Variants in RCAN1 observed in about 807,000 individuals in gnomAD.
The protein encoded by RCAN1 is regulator of calcineurin 1.
RCAN1 carries 11 observed loss-of-function variants against 22.9 expected under a neutral mutation model. That is an observed-to-expected ratio of 0.48 (90% CI 0.30 to 0.79). The LOEUF is 0.79. Among genes scored for constraint, RCAN1 ranks in the 30% least tolerant of loss-of-function variants. The pLI, the probability that RCAN1 is intolerant of heterozygous loss-of-function variation, is 0.06. For synonymous variants in RCAN1, 136 were observed against 142.3 expected (o/e 0.96, Z 0.32); for missense variants, 291 against 337.8 (o/e 0.86, Z 1.09).
intron 1 of RCAN1, among the ~76,000 whole-genome samples, chr21:34,547,067 G>A (rs550056165): frequency 1.2e-4 from 18 of 152,228 alleles, no homozygotes; most frequent in African/African-American, 3.4e-4. Context: ...TGTGGCTGGC[G>A]TTTTCTTTGG....
chr21:34,523,785 T>A, intron 1 of RCAN1, 75 bp from the exon 2 acceptor site: 2 of 680,554 alleles, frequency 2.9e-6, no homozygotes, highest in Non-Finnish European at 4.0e-6. Flanking sequence ...ATGTCATTAC[T>A]TTTTTTTTTT....
Position 34,614,443 on chromosome 21 carries a change from G to A in RCAN1, c.252+317C>T, listed in dbSNP as rs1358999862. 4.9e-6 allele frequency: 5 copies of A among 1,010,476 alleles called. No homozygotes were observed. Among genetic ancestry groups the A allele is most frequent in the African/African-American group, 1.7e-5 (1 of 58,106 alleles). 62.6% of individuals were successfully genotyped at this position (1,010,476 alleles called of 1,614,324 possible). On this transcript the variant is annotated intron_variant, in intron 1 of 3. Coordinates refer to ENST00000313806, the MANE Select transcript of RCAN1 (RefSeq NM_004414.7). This position sits in a 1 kb window ranked among gnomAD's most constrained non-coding sequence, Gnocchi z 6.0. ...ATGCGGGGCGATGGCGAGAGCGCAG[G>A]GGGCGGCGGCGCTGCCCCACCTTGG...
chr21:34,567,780 T>A (rs1048394378), intron 1 of RCAN1, among the ~76,000 whole-genome samples: 1 of 152,200 alleles, frequency 6.6e-6, no homozygotes, highest in South Asian at 2.1e-4. Flanking sequence ...ATTTCCCACT[T>A]GTCGCTGCTG....
intron 1 of RCAN1, among the ~76,000 whole-genome samples, chr21:34,534,221 T>C (rs947090057): frequency 1.3e-5 from 2 of 151,422 alleles, no homozygotes; most frequent in Non-Finnish European, 2.9e-5. Context: ...CCAACCAGTG[T>C]CCATACCTCC....
intron 1 of RCAN1, among the ~76,000 whole-genome samples, chr21:34,601,622 T>C (rs1416229312): frequency 1.3e-5 from 2 of 152,014 alleles, no homozygotes; most frequent in Non-Finnish European, 2.9e-5. Context: ...ATCGAGATCA[T>C]CTTGGCTAAC....
At chr21:34,594,849 C>T (rs574844461) in intron 1 of RCAN1, among the ~76,000 whole-genome samples, 1 of 152,320 alleles carries the variant, frequency 6.6e-6, no homozygotes, top group South Asian at 2.1e-4. Flanking sequence ...AAGCGCATAC[C>T]TCACAGGGAT....
chr21:34,589,145 G>A (rs1197720455), intron 1 of RCAN1, among the ~76,000 whole-genome samples: 1 of 152,128 alleles, frequency 6.6e-6, no homozygotes, highest in Non-Finnish European at 1.5e-5. Flanking sequence ...TGTAAAGATG[G>A]TAAATTTTAA....
chr21:34,526,270 C>T (rs1270696884), intron 1 of RCAN1, among the ~76,000 whole-genome samples: 1 of 152,204 alleles, frequency 6.6e-6, no homozygotes, highest in Non-Finnish European at 1.5e-5. Flanking sequence ...ATACAAATAT[C>T]TTTATAACAT....
intron 1 of RCAN1, among the ~76,000 whole-genome samples, chr21:34,588,532 C>T (rs1293430000): frequency 6.6e-6 from 1 of 152,138 alleles, no homozygotes; most frequent in Non-Finnish European, 1.5e-5. Context: ...CAGAAAATAA[C>T]AAGAGTTGGC....
chr21:34,613,930 AC>A, intron 1 of RCAN1: 1 of 1,200,174 alleles, frequency 8.3e-7, no homozygotes, highest in African/African-American at 1.5e-5. Context: ...TCTCTCAAAG[AC>A]CGGTTTCATT....
chr21:34,537,291 C>T (rs1322508291), intron 1 of RCAN1, among the ~76,000 whole-genome samples: 1 of 152,248 alleles, frequency 6.6e-6, no homozygotes, highest in Non-Finnish European at 1.5e-5. Context: ...CATCTTTGCA[C>T]CGAGTATCTG....
chr21:34,614,394 G>A lies in RCAN1; in HGVS notation c.252+366C>T. ...CTGTTTCCTCCTCCCTAGGAATGAGGTGACCCCCTCCTCCAGCGAGTAAAT... is the reference window on the plus strand; with the variant it reads ...CTGTTTCCTCCTCCCTAGGAATGAGATGACCCCCTCCTCCAGCGAGTAAAT... On this transcript the variant is annotated intron_variant, in intron 1 of 3. Transcript: ENST00000313806. This position sits in a 1 kb window ranked among gnomAD's most constrained non-coding sequence, Gnocchi z 6.0. The A allele has an allele frequency of 1.0e-6, 1 of 996,100 alleles. No homozygotes were observed. The highest frequency in any genetic ancestry group is 1.2e-6 in the Non-Finnish European group (1 of 837,094). 61.7% of individuals were successfully genotyped at this position (996,100 alleles called of 1,614,324 possible).
At chr21:34,530,616 GTTTTTTTTTTTT>G (rs59150851) in intron 1 of RCAN1, among the ~76,000 whole-genome samples, 3 of 66,196 alleles carry the variant, frequency 4.5e-5, no homozygotes, top group Admixed American at 2.0e-4. Context: ...TAGTGAAATA[GTTTTTTTTTTTT>G]TTTTTTTTTT....
rs1167192367 is a variant in RCAN1 at position 34,518,285 on chromosome 21, C to T, written c.587-29G>A. 1.6e-5 allele frequency: 26 copies of T among 1,610,162 alleles called. No homozygotes were observed. Among genetic ancestry groups the T allele is most frequent in the Non-Finnish European group, 2.0e-5 (24 of 1,177,730 alleles). On this transcript the variant is annotated intron_variant, in intron 3 of 3. Transcript: ENST00000313806. The surrounding 1 kb of genome is among the most constrained non-coding windows in gnomAD (Gnocchi z 4.2). The stretch of plus-strand genomic sequence containing the variant: ...AGGAGGGAAAATAATCGCAGGGTCA[C>T]TCAGACAAGTCCTTGGGAGTCAAAA...
At chr21:34,579,798 C>T (rs1245541981) in intron 1 of RCAN1, among the ~76,000 whole-genome samples, 1 of 152,190 alleles carries the variant, frequency 6.6e-6, no homozygotes, top group African/African-American at 2.4e-5. Context: ...AAACACAGTA[C>T]CAGCCACAAC....
intron 1 of RCAN1, among the ~76,000 whole-genome samples, chr21:34,583,620 G>C (rs1275041504): frequency 6.6e-6 from 1 of 152,180 alleles, no homozygotes; most frequent in Non-Finnish European, 1.5e-5. Flanking sequence ...ACAAGCCAAG[G>C]AGAGAGGCCT....
chr21:34,557,129 C>CAT (rs1986608919), intron 1 of RCAN1, among the ~76,000 whole-genome samples: 1 of 152,202 alleles, frequency 6.6e-6, no homozygotes, highest in African/African-American at 2.4e-5. Flanking sequence ...AGGAGAATTT[C>CAT]TTGAACCCGG....
At chr21:34,525,261 G>C in intron 1 of RCAN1, 1 of 1,550,666 alleles carries the variant, frequency 6.4e-7, no homozygotes, top group Non-Finnish European at 8.7e-7. Flanking sequence ...CTGCCAGGCA[G>C]GTCGTTAAGG....
chr21:34,541,783 A>C (rs908265472), intron 1 of RCAN1, among the ~76,000 whole-genome samples: 1 of 152,070 alleles, frequency 6.6e-6, no homozygotes, highest in African/African-American at 2.4e-5. Flanking sequence ...AAACACAAAA[A>C]ACTAGCCAGG....
Sources: allele counts gnomAD v4.1 joint callset (sites outside exome capture counted in the v4.1 genomes callset), GRCh38; gene constraint gnomAD v4.1.1; non-coding constraint Gnocchi (gnomAD v3.1); transcripts MANE v1.5; gene names NCBI Gene and HGNC (gene_info 2026-07-23, HGNC 2026-07-21).